Variants in DNTTIP2 observed in about 807,000 individuals in gnomAD.
The protein encoded by DNTTIP2 is deoxynucleotidyltransferase terminal interacting protein 2.
A neutral mutation model predicts 62.4 loss-of-function variants in DNTTIP2; 47 were observed. The observed-to-expected ratio is 0.75, with a 90% CI of 0.60 to 0.96. The LOEUF (loss-of-function observed/expected upper bound fraction) is 0.96. DNTTIP2 is among the 40% of genes least tolerant of loss of function. DNTTIP2 has a pLI of 0.00. For synonymous variants in DNTTIP2, 322 were observed against 300.9 expected, an observed-to-expected ratio of 1.07 and a Z score of -0.73; for missense variants, 870 against 849.1, an observed-to-expected ratio of 1.02 and a Z score of -0.31.
At chr1:93,872,291 A>G in intron 4 of DNTTIP2, 55 bp from the exon 5 acceptor site, 8 of 1,547,636 alleles carry the variant, frequency 5.2e-6, no homozygotes, top group Non-Finnish European at 7.0e-6. Flanking sequence ...ATACATTATA[A>G]TTCATTTCCC....
chr1:93,877,863 C>T lies in DNTTIP2; in HGVS notation c.73-1G>A. ...CTTGAATCCCATTAGCAGCAAAACTCTGCAAACCAGAGAAAACACACTGTA... is the reference window on the plus strand; with the variant it reads ...CTTGAATCCCATTAGCAGCAAAACTTTGCAAACCAGAGAAAACACACTGTA... On this transcript the variant is annotated splice_acceptor_variant, in intron 1 of 6. Transcript: ENST00000436063. LOFTEE classifies it high-confidence loss of function. 1 of 1,597,996 alleles carries T rather than the reference C, an allele frequency of 6.3e-7. No homozygotes were observed. The highest frequency in any genetic ancestry group is 8.5e-7 in the Non-Finnish European group (1 of 1,178,648).
At chr1:93,878,032 C>T (rs965049581) in intron 1 of DNTTIP2, 170 bp from the exon 2 acceptor site, 3 of 1,056,586 alleles carry the variant, frequency 2.8e-6, no homozygotes, top group Middle Eastern at 2.7e-4. Context: ...TTTGGCCGGG[C>T]GCGGTGGCTT....
intron 5 of DNTTIP2, 149 bp from the exon 6 acceptor site, chr1:93,870,941 G>T: frequency 5.4e-6 from 2 of 368,300 alleles, no homozygotes; most frequent in Non-Finnish European, 4.7e-6. Context: ...TTTATTTAAA[G>T]CAAAAAAAAA....
Position 93,872,253 on chromosome 1 carries a change from A to G in DNTTIP2, c.1903-17T>C, listed in dbSNP as rs539295719. On this transcript the variant is annotated splice_polypyrimidine_tract_variant and intron_variant, in intron 4 of 6. Coordinates refer to ENST00000436063, the MANE Select transcript of DNTTIP2 (RefSeq NM_014597.5). ...TCGTTCTTTCTGAAATTATGATTTC[A>G]AAAATAAACATTCTAACAGCTAAGA... 4.5e-5 allele frequency: 72 copies of G among 1,611,534 alleles called. No individual in the cohort carries two copies. The South Asian group carries it at 4.7e-4, about 11-fold the overall frequency.
chr1:93,875,101 G>C (rs1348906372), intron 3 of DNTTIP2, among the ~76,000 whole-genome samples: 1 of 152,200 alleles, frequency 6.6e-6, no homozygotes, highest in Non-Finnish European at 1.5e-5. Context: ...ACATCTAAAT[G>C]AACAAATAGG....
chr1:93,876,694 C>T lies in DNTTIP2; in HGVS notation c.1241G>A (p.Ser414Asn). The change falls in exon 2 of 7, where the codon AGT becomes AAT. Residue 414 changes from serine to asparagine, a missense_variant. Physicochemically the swap from Ser to Asn is conservative, Grantham distance 46. Coordinates refer to ENST00000436063, the MANE Select transcript of DNTTIP2 (RefSeq NM_014597.5). ...ACATTCAAAATCTACATTCCCTTCA[C>T]TGTTCATGTCTTCACTGACACTTAT... is the stretch of plus-strand genomic sequence containing the variant. ...TVISVSEDMN[S>N]EGNVDFECDT... 1 of 1,614,034 alleles carries T rather than the reference C, an allele frequency of 6.2e-7. No individual in the cohort carries two copies. The highest frequency in any genetic ancestry group is 8.5e-7 in the Non-Finnish European group (1 of 1,179,892).
chr1:93,877,089 T>TTCG lies in DNTTIP2; in HGVS notation c.843_845dup (p.His281_Glu282insAsp). ...CTTTAAGAGATTCAACATTGGCCTG[T>TTCG]TCGTGCACTGTTAATATATTTTCTG... On this transcript the variant is annotated inframe_insertion, in exon 2 of 7. Transcript: ENST00000436063. The TTCG allele has an allele frequency of 1.9e-6, 3 of 1,611,664 alleles. No homozygotes were observed. The highest frequency in any genetic ancestry group is 1.7e-6 in the Non-Finnish European group (2 of 1,179,804).
rs369727948 is a variant in DNTTIP2 at position 93,873,464 on chromosome 1, T to C, written c.1807-250A>G. 180 of 328,708 alleles carry C rather than the reference T, an allele frequency of 5.5e-4. 1 individual carries two copies. Among genetic ancestry groups the C allele is most frequent in the African/African-American group, 3.7e-3 (164 of 43,798 alleles). 20.4% of individuals were successfully genotyped at this position (328,708 alleles called of 1,614,324 possible). A position where few individuals can be genotyped will look rare whatever the true frequency, so the allele number is the denominator to read the frequency against. ...AAAAAGAAAAGAAATTAGTTGGGCA[T>C]GGTGGCACACACCTGTAGTCCCAGC... On this transcript the variant is annotated intron_variant, in intron 3 of 6. Transcript: ENST00000436063.
chr1:93,876,158 C>G (rs1215721026), intron 2 of DNTTIP2, 110 bp downstream of exon 2: 5 of 650,168 alleles, frequency 7.7e-6, no homozygotes, highest in Non-Finnish European at 1.0e-5. Flanking sequence ...CATGAAGAAC[C>G]CAAGGCAGTG....
At position 93,877,162 on chromosome 1, in the gene DNTTIP2, G is replaced by A. The variant is rs1656032964; in HGVS notation, c.773C>T (p.Pro258Leu). The A allele has an allele frequency of 6.2e-7, 1 of 1,613,006 alleles. No individual in the cohort carries two copies. ...QARSLSEINK[P>L]NFYNNDFDDD... Reference sequence around the variant, plus strand: ...ATCAAAGTCATTATTATAGAAATTTGGCTTATTTATCTCAGAAAGAGATCT... The same window carrying A: ...ATCAAAGTCATTATTATAGAAATTTAGCTTATTTATCTCAGAAAGAGATCT... The change falls in exon 2 of 7, where the codon CCA (proline) becomes CTA (leucine). Residue 258 changes from proline to leucine, a missense_variant. Transcript: ENST00000436063.
intron 2 of DNTTIP2, 149 bp from the exon 3 acceptor site, chr1:93,875,932 T>A: frequency 1.2e-6 from 1 of 809,874 alleles, no homozygotes; most frequent in Non-Finnish European, 1.9e-6. Flanking sequence ...GAGGAATTCC[T>A]GAAAAAAAAC....
chr1:93,871,405 T>C (rs1655858873), intron 5 of DNTTIP2, among the ~76,000 whole-genome samples: 1 of 152,240 alleles, frequency 6.6e-6, no homozygotes, highest in South Asian at 2.1e-4. Context: ...TGACCAATTG[T>C]ACCTAAGAGA....
chr1:93,877,180 A>C lies in DNTTIP2; in HGVS notation c.755T>G (p.Leu252Arg). ...GAAATTTGGCTTATTTATCTCAGAA[A>C]GAGATCTTGCTTGTAAATGGGAAGT... Reference protein sequence around the residue: ...RQTSHLQARSLSEINKPNFYN... With the variant: ...RQTSHLQARSRSEINKPNFYN... Residue 252 changes from leucine to arginine, a missense_variant, in exon 2 of 7, where the codon CTT (leucine) becomes CGT (arginine). By Grantham distance (102) the Leu-to-Arg change is moderately radical. Coordinates refer to ENST00000436063, the MANE Select transcript of DNTTIP2 (RefSeq NM_014597.5). The C allele has an allele frequency of 6.2e-7, 1 of 1,613,666 alleles. No individual in the cohort carries two copies. Among genetic ancestry groups the C allele is most frequent in the Non-Finnish European group, 8.5e-7 (1 of 1,179,848 alleles).
Position 93,869,206 on chromosome 1 carries a change from A to C in DNTTIP2, c.*645T>G, listed in dbSNP as rs897935033. The C allele has an allele frequency of 6.4e-5, 4 of 62,270 alleles. No individual in the cohort carries two copies. The highest frequency in any genetic ancestry group is 3.5e-4 in the African/African-American group (4 of 11,558). 3.9% of individuals were successfully genotyped at this position (62,270 alleles called of 1,614,324 possible). On this transcript the variant is annotated 3_prime_UTR_variant, in exon 7 of 7. Transcript: ENST00000436063. ...GGTTAACTTCGAAGAAACCCTGGCC[A>C]ACTTAAATTATAGTTTAATCCTGTT...
chr1:93,876,416 C>T lies in DNTTIP2; in HGVS notation c.1519G>A (p.Glu507Lys). ...MSADKNFYLE[E>K]EDKASEVAIE... ...GCAACCTCACTTGCCTTGTCTTCCT[C>T]TTCCAAGTAAAAATTTTTATCAGCA... The change falls in exon 2 of 7, where the codon GAG becomes AAG. Residue 507 changes from glutamate to lysine, a missense_variant. Transcript: ENST00000436063. 5 of 1,611,372 alleles carry T rather than the reference C, an allele frequency of 3.1e-6. No homozygotes were observed. Among genetic ancestry groups the T allele is most frequent in the Non-Finnish European group, 3.4e-6 (4 of 1,178,418 alleles).
intron 1 of DNTTIP2, 120 bp downstream of exon 1, chr1:93,878,957 G>A (rs1230865247): frequency 1.1e-5 from 14 of 1,321,324 alleles, no homozygotes; most frequent in South Asian, 4.4e-5. Context: ...CCAAGCGCGC[G>A]GCAAGCTCGG....
chr1:93,866,357 C>G lies in DNTTIP2; in HGVS notation c.*3494G>C, dbSNP rs1352589658. On this transcript the variant is annotated 3_prime_UTR_variant, in exon 7 of 7. Transcript: ENST00000436063. ...ATTAGAAAGCCCTTTTTGTTGCAAC[C>G]CTTACTGAAAACTTTCAATAAAGAT... 1 of 151,958 alleles carries G rather than the reference C, an allele frequency of 6.6e-6. No individual in the cohort carries two copies. Among genetic ancestry groups the G allele is most frequent in the Non-Finnish European group, 1.5e-5 (1 of 67,982 alleles). The allele number at this position is 151,958 out of a possible 1,614,324, so 9.4% of individuals were successfully genotyped here. A position where few individuals can be genotyped will look rare whatever the true frequency, so the allele number is the denominator to read the frequency against.
At chr1:93,878,349 C>A (rs1181558739) in intron 1 of DNTTIP2, among the ~76,000 whole-genome samples, 2 of 152,096 alleles carry the variant, frequency 1.3e-5, no homozygotes. Context: ...CTGGAGCCAA[C>A]CCTGCATTTA....
chr1:93,872,170 G>T lies in DNTTIP2; in HGVS notation c.1969C>A (p.Leu657Met). The T allele has an allele frequency of 6.2e-7, 1 of 1,613,754 alleles. No individual in the cohort carries two copies. Among genetic ancestry groups the T allele is most frequent in the Admixed American group, 1.7e-5 (1 of 59,996 alleles). The change falls in exon 5 of 7, where the codon CTG (leucine) becomes ATG (methionine). Residue 657 changes from leucine to methionine, a missense_variant. Coordinates refer to ENST00000436063, the MANE Select transcript of DNTTIP2 (RefSeq NM_014597.5). ...GMKAPEMTNE[L>M]KNDLKALKMR... Reference sequence around the variant, plus strand: ...TTCAGTGCTTTGAGATCATTTTTCAGTTCATTTGTCATTTCTGGAGCTTTC... The same window carrying T: ...TTCAGTGCTTTGAGATCATTTTTCATTTCATTTGTCATTTCTGGAGCTTTC...
Sources: allele counts gnomAD v4.1 joint callset (sites outside exome capture counted in the v4.1 genomes callset), GRCh38; gene constraint gnomAD v4.1.1; transcripts MANE v1.5; gene names NCBI Gene and HGNC (gene_info 2026-07-23, HGNC 2026-07-21).